Variants in NLRP11 observed in about 807,000 individuals in gnomAD.
NLRP11 encodes the protein NLR family pyrin domain containing 11.
In NLRP11, 53 loss-of-function variants were observed where a neutral mutation model predicts 79.3. The ratio of observed to expected loss-of-function variants is 0.67; its 90% CI spans 0.54 to 0.84. The LOEUF is 0.84. Among genes scored for constraint, NLRP11 ranks in the 40% least tolerant of loss-of-function variants. The pLI is 0.00. For synonymous variants in NLRP11, 518 were observed against 462.6 expected (o/e 1.12, Z -1.54); for missense variants, 1,264 against 1,255.0 (o/e 1.01, Z -0.11).
At chr19:55,820,070 C>A (rs952915992) in intron 1 of NLRP11, among the ~76,000 whole-genome samples, 2 of 152,116 alleles carry the variant, frequency 1.3e-5, no homozygotes, top group Non-Finnish European at 2.9e-5. Flanking sequence ...CTATGCCAAT[C>A]CCCAGTGCCC....
chr19:55,822,437 G>A (rs897573455), intron 1 of NLRP11, among the ~76,000 whole-genome samples: 1 of 152,140 alleles, frequency 6.6e-6, no homozygotes, highest in Admixed American at 6.5e-5. Context: ...GAACAGCTCC[G>A]GTCTACAGCT....
exon 5 of NLRP11, chr19:55,801,579 G>A: frequency 6.2e-7 from 1 of 1,613,976 alleles, no homozygotes; most frequent in East Asian, 2.2e-5. Flanking sequence ...CACCTCAGAT[G>A]ACTTATTTGG....
At chr19:55,813,824 A>G (rs12980766) in intron 2 of NLRP11, among the ~76,000 whole-genome samples, 25,934 of 152,026 alleles carry the variant, frequency 0.17, 2,260 homozygotes, top group East Asian at 0.29. Context: ...ACTGACATTT[A>G]AAGGGTCACC....
At chr19:55,824,296 C>T (rs1219311341) in intron 1 of NLRP11, among the ~76,000 whole-genome samples, 2 of 149,258 alleles carry the variant, frequency 1.3e-5, no homozygotes, top group African/African-American at 2.5e-5. Flanking sequence ...CTGGTACCAG[C>T]CGCTGCAAAA....
chr19:55,796,111 G>T lies in NLRP11; in HGVS notation c.2311C>A (p.Leu771Ile), dbSNP rs145113558. ...GATATAAGAGTGCAGTTGGGATGAA[G>T]CAAGGCATCACACAGTATGTTCATC... The change falls in exon 6 of 10, where the codon CTT becomes ATT. Residue 771 changes from leucine to isoleucine, a missense_variant. Transcript: ENST00000589093. 1.2e-5 allele frequency: 19 copies of T among 1,613,790 alleles called. No individual in the cohort carries two copies. In the African/African-American group the frequency reaches 2.5e-4, roughly 22 times the overall value.
chr19:55,785,776 G>T, exon 10 of NLRP11: 1 of 1,614,086 alleles, frequency 6.2e-7, no homozygotes, highest in Non-Finnish European at 8.5e-7. Flanking sequence ...TTCCTTTAAA[G>T]ACCAAGTTTC....
chr19:55,796,633 T>G (rs1346265218), intron 5 of NLRP11, among the ~76,000 whole-genome samples: 1 of 152,168 alleles, frequency 6.6e-6, no homozygotes, highest in Non-Finnish European at 1.5e-5. Context: ...GGACTTCTGA[T>G]GTTTTTTCTG....
intron 8 of NLRP11, 104 bp downstream of exon 8, chr19:55,789,125 G>A: frequency 7.2e-7 from 1 of 1,396,786 alleles, no homozygotes; most frequent in South Asian, 1.3e-5. Flanking sequence ...TCAAACACTA[G>A]ACTATTATGT....
chr19:55,809,619 T>C lies in NLRP11; in HGVS notation c.991A>G (p.Ile331Val). Residue 331 changes from isoleucine to valine, a missense_variant, in exon 3 of 10, where the codon ATA (isoleucine) becomes GTA (valine). Ile to Val is a conservative substitution (Grantham distance 29, BLOSUM62 3). Transcript: ENST00000589093. This position sits in a 1 kb window ranked among gnomAD's most constrained non-coding sequence, Gnocchi z 4.5. ...GCGACTCGGCACAGACCCACGAGTATTTCATCCTCATGTACAAGCTGGAGG... is the reference window on the plus strand; with the variant it reads ...GCGACTCGGCACAGACCCACGAGTACTTCATCCTCATGTACAAGCTGGAGG... 6.2e-7 allele frequency: 1 copy of C among 1,614,192 alleles called. No homozygotes were observed. The highest frequency in any genetic ancestry group is 8.5e-7 in the Non-Finnish European group (1 of 1,180,030).
chr19:55,813,380 A>AT, intron 2 of NLRP11, among the ~76,000 whole-genome samples: 1 of 152,126 alleles, frequency 6.6e-6, no homozygotes, highest in Non-Finnish European at 1.5e-5. Flanking sequence ...CTACCCTTTA[A>AT]TTACTTGACT....
At chr19:55,816,031 G>A (rs1303221408) in intron 2 of NLRP11, among the ~76,000 whole-genome samples, 1 of 152,186 alleles carries the variant, frequency 6.6e-6, no homozygotes, top group Admixed American at 6.5e-5. Flanking sequence ...GATGAGTGAA[G>A]ACATGCTATA....
chr19:55,809,467 C>T lies in NLRP11; in HGVS notation c.1143G>A (p.Glu381=), dbSNP rs572617549. 4.0e-5 allele frequency: 64 copies of T among 1,614,176 alleles called. No homozygotes were observed. In the South Asian group the frequency reaches 6.5e-4, roughly 16 times the overall value. ...GATACTGATTGGCAGTAAGTCCAGC[C>T]TCTGATGTCAACGCATCAGCAAGAA... Residue 381 remains glutamate, a synonymous_variant, in exon 3 of 10, where the codon GAG becomes GAA. Transcript: ENST00000589093. This position sits in a 1 kb window ranked among gnomAD's most constrained non-coding sequence, Gnocchi z 4.5.
intron 4 of NLRP11, among the ~76,000 whole-genome samples, chr19:55,805,261 A>G (rs2046452385): frequency 6.6e-6 from 1 of 152,054 alleles, no homozygotes; most frequent in South Asian, 2.1e-4. Flanking sequence ...GGAATCTCCA[A>G]CTCAACATTA....
At chr19:55,815,116 C>CAA (rs199819676) in intron 2 of NLRP11, among the ~76,000 whole-genome samples, 66 of 150,688 alleles carry the variant, frequency 4.4e-4, no homozygotes, top group African/African-American at 1.3e-3. Flanking sequence ...ATTCAGGTTA[C>CAA]AAAAAAAAAT....
intron 1 of NLRP11, among the ~76,000 whole-genome samples, chr19:55,820,201 G>A (rs1347641844): frequency 1.3e-5 from 2 of 152,138 alleles, no homozygotes; most frequent in African/African-American, 4.8e-5. Flanking sequence ...GCCTTTAAAT[G>A]CATGGTTGAG....
intron 5 of NLRP11, among the ~76,000 whole-genome samples, chr19:55,800,129 G>C (rs1021397796): frequency 6.6e-6 from 1 of 152,194 alleles, no homozygotes; most frequent in Non-Finnish European, 1.5e-5. Flanking sequence ...GTTAGAGCAT[G>C]AGGTACTTGA....
intron 1 of NLRP11, among the ~76,000 whole-genome samples, chr19:55,822,491 A>G (rs1981847937): frequency 6.6e-6 from 1 of 152,110 alleles, no homozygotes; most frequent in Non-Finnish European, 1.5e-5. Flanking sequence ...CCGCATTTCC[A>G]TCTGAGGTAC....
At chr19:55,831,108 C>CA (rs1568647608) in intron 1 of NLRP11, among the ~76,000 whole-genome samples, 10 of 93,130 alleles carry the variant, frequency 1.1e-4, no homozygotes, top group South Asian at 3.9e-4. Flanking sequence ...CCACCCCCCC[C>CA]ATCCCCCCCA....
rs928030280 is a variant in NLRP11, at chr19:55,796,311, A to AT, written c.2172-62dup. ...GCGTTTAAGCTATCCCCTCTTTTAA[A>AT]TTAAAAAAAAAAAAAAAGAGAGACC... On this transcript the variant is annotated intron_variant, in intron 5 of 9. Coordinates refer to ENST00000589093, the Ensembl canonical transcript of NLRP11. 2.9e-5 allele frequency: 37 copies of AT among 1,267,432 alleles called. 1 individual carries two copies. In the South Asian group the frequency reaches 3.4e-4, roughly 12 times the overall value. 78.5% of individuals were successfully genotyped at this position (1,267,432 alleles called of 1,614,324 possible).
Sources: allele counts gnomAD v4.1 joint callset (sites outside exome capture counted in the v4.1 genomes callset), GRCh38; gene constraint gnomAD v4.1.1; non-coding constraint Gnocchi (gnomAD v3.1); transcripts MANE v1.5; gene names NCBI Gene and HGNC (gene_info 2026-07-23, HGNC 2026-07-21).